The following CACHD1 variants were observed in gnomAD, a reference collection of about 807,000 sequenced individuals.
CACHD1 encodes the protein VWFA and cache domain-containing protein 1.
CACHD1 carries 71 observed loss-of-function variants against 138.7 expected under a neutral mutation model. The ratio of observed to expected loss-of-function variants is 0.51; its 90% CI spans 0.42 to 0.62. CACHD1 has a LOEUF of 0.62. CACHD1 is among the 20% of genes least tolerant of loss of function. The pLI is 0.00. For synonymous variants in CACHD1, 578 were observed against 591.5 expected (o/e 0.98, Z 0.33); for missense variants, 1,389 against 1,625.3 (o/e 0.85, Z 2.50).
At position 64,663,811 on chromosome 1, in the gene CACHD1, C is replaced by T. The variant is rs746531605; in HGVS notation, c.2068C>T (p.Arg690Cys). 4 of 1,614,104 alleles carry T rather than the reference C, an allele frequency of 2.5e-6. No homozygotes were observed. Among genetic ancestry groups the T allele is most frequent in the Admixed American group, 1.7e-5 (1 of 60,026 alleles). Residue 690 changes from arginine to cysteine, a missense_variant, in exon 14 of 27, where the codon CGC becomes TGC. Arg to Cys is a radical substitution (Grantham distance 180). This residue lies in a region of CACHD1 where 1,000 missense variants were observed against 1,114.7 expected (regional missense o/e 0.90). Transcript: ENST00000651257. Reference protein sequence around the residue: ...HYTAYLSDNTRLIANPGLKFS... With the variant: ...HYTAYLSDNTCLIANPGLKFS... ...CACCGCCTATCTCAGCGACAACACC[C>T]GCCTCATTGCTAACCCGGGCCTCAA...
chr1:64,497,550 G>C (rs1256908619), intron 1 of CACHD1, among the ~76,000 whole-genome samples: 1 of 152,080 alleles, frequency 6.6e-6, no homozygotes. Context: ...GCTATTTGGA[G>C]TCATATAGTT....
At chr1:64,547,614 A>G (rs1420094271) in intron 1 of CACHD1, among the ~76,000 whole-genome samples, 3 of 152,088 alleles carry the variant, frequency 2.0e-5, no homozygotes, top group African/African-American at 4.8e-5. Context: ...TGATCTGCCC[A>G]CCTAAGCCTC....
intron 24 of CACHD1, 24 bp downstream of exon 24, chr1:64,679,780 G>T (rs1221677009): frequency 6.2e-7 from 1 of 1,611,002 alleles, no homozygotes; most frequent in South Asian, 1.1e-5. Context: ...GAACCCCACA[G>T]GGGAGGCAGC....
rs1557534756 is a variant in CACHD1, at chr1:64,641,885, A to G, written c.1072A>G (p.Lys358Glu). ...ITSKDSSEED[K>E]KATLQVINEE... ...ATCAAAGGACTCTTCGGAAGAAGAT[A>G]AAAAAGCGACTCTCCAAGTCATCAA... Residue 358 changes from lysine to glutamate, a missense_variant, in exon 8 of 27, where the codon AAA becomes GAA. Physicochemically the swap from Lys to Glu is moderately conservative, Grantham distance 56. This residue lies in a region of CACHD1 where 1,000 missense variants were observed against 1,114.7 expected (regional missense o/e 0.90). Coordinates refer to ENST00000651257, the MANE Select transcript of CACHD1 (RefSeq NM_020925.4). 6.2e-7 allele frequency: 1 copy of G among 1,606,796 alleles called. No individual in the cohort carries two copies. Among genetic ancestry groups the G allele is most frequent in the East Asian group, 2.2e-5 (1 of 44,568 alleles).
At chr1:64,588,914 T>C (rs1647074826) in intron 3 of CACHD1, among the ~76,000 whole-genome samples, 1 of 152,216 alleles carries the variant, frequency 6.6e-6, no homozygotes, top group South Asian at 2.1e-4. Context: ...TATCCTCATT[T>C]AGTTAATGCA....
Position 64,653,759 on chromosome 1 carries a change from A to G in CACHD1, c.1542A>G (p.Gly514=). 1.2e-6 allele frequency: 2 copies of G among 1,611,882 alleles called. No homozygotes were observed. Among genetic ancestry groups the G allele is most frequent in the Admixed American group, 1.7e-5 (1 of 59,792 alleles). Residue 514 remains glycine (G), a splice_region_variant and synonymous_variant, in exon 11 of 27, where the codon GGA becomes GGG. Transcript: ENST00000651257. The stretch of plus-strand genomic sequence containing the variant: ...ATGCATTTTGTTTTCTTATTGCAGG[A>G]TATACACTTATGCACCCATCTCTTA... ...ASYTFLIDDK[G]YTLMHPSLTR...
chr1:64,652,819 G>A (rs1053652346), intron 10 of CACHD1, among the ~76,000 whole-genome samples: 3 of 152,224 alleles, frequency 2.0e-5, no homozygotes, highest in Non-Finnish European at 2.9e-5. Context: ...GTCAGCCATT[G>A]TGGAAAGCAG....
At chr1:64,533,263 C>T (rs1175860165) in intron 1 of CACHD1, among the ~76,000 whole-genome samples, 1 of 152,118 alleles carries the variant, frequency 6.6e-6, no homozygotes, top group Non-Finnish European at 1.5e-5. Context: ...GGCTGAGATA[C>T]AAGAATCACT....
chr1:64,673,046 C>T lies in CACHD1; in HGVS notation c.2511-112C>T, dbSNP rs1474484799. On this transcript the variant is annotated intron_variant, in intron 17 of 26. Coordinates refer to ENST00000651257, the MANE Select transcript of CACHD1 (RefSeq NM_020925.4). ...TTTCCAATGAGTATTTATTGAGAAC[C>T]TGGGATAAATGCAGTTTGTTTCAGG... 1.0e-5 allele frequency: 9 copies of T among 884,786 alleles called. No homozygotes were observed. The Admixed American group carries it at 1.8e-4, about 18-fold the overall frequency. 54.8% of individuals were successfully genotyped at this position (884,786 alleles called of 1,614,324 possible).
intron 1 of CACHD1, among the ~76,000 whole-genome samples, chr1:64,534,637 T>G (rs910636684): frequency 6.6e-6 from 1 of 152,226 alleles, no homozygotes; most frequent in Non-Finnish European, 1.5e-5. Flanking sequence ...TCTTCTCCCT[T>G]GCACTCTGAG....
intron 1 of CACHD1, among the ~76,000 whole-genome samples, chr1:64,512,438 T>G (rs899249794): frequency 4.2e-5 from 6 of 144,564 alleles, no homozygotes; most frequent in African/African-American, 1.6e-4. Flanking sequence ...CCTCTGGAGT[T>G]CAAGGGCAAA....
chr1:64,604,996 T>G (rs1370729531), intron 4 of CACHD1, among the ~76,000 whole-genome samples: 2 of 150,382 alleles, frequency 1.3e-5, no homozygotes, highest in Admixed American at 1.3e-4. Flanking sequence ...AGACAGAGTC[T>G]TGCTCTGTCA....
intron 8 of CACHD1, 109 bp from the exon 9 acceptor site, chr1:64,647,692 T>G: frequency 2.4e-6 from 2 of 836,466 alleles, no homozygotes; most frequent in Non-Finnish European, 3.8e-6. Context: ...AAAAACCCCT[T>G]TGGTATTACA....
chr1:64,548,898 G>T (rs937063326), intron 1 of CACHD1, among the ~76,000 whole-genome samples: 1 of 152,162 alleles, frequency 6.6e-6, no homozygotes, highest in African/African-American at 2.4e-5. Flanking sequence ...GCTCATGACC[G>T]CAGCATCTTT....
intron 1 of CACHD1, among the ~76,000 whole-genome samples, chr1:64,489,581 T>C (rs305557): frequency 0.97 from 148,274 of 152,320 alleles, 72,183 homozygotes; most frequent in East Asian, 1. Flanking sequence ...TCCAAGCTCT[T>C]TTGCTATCCT....
chr1:64,616,344 G>A (rs985249662), intron 4 of CACHD1, among the ~76,000 whole-genome samples: 1 of 152,180 alleles, frequency 6.6e-6, no homozygotes, highest in Non-Finnish European at 1.5e-5. Flanking sequence ...ATAATGAAGT[G>A]TATTGGTGAG....
chr1:64,652,646 G>A (rs761394629), intron 10 of CACHD1, among the ~76,000 whole-genome samples: 4 of 152,094 alleles, frequency 2.6e-5, no homozygotes, highest in East Asian at 3.9e-4. Flanking sequence ...GAAAACAATC[G>A]CAGTATCCCT....
chr1:64,625,230 A>C (rs2100624167), intron 4 of CACHD1, among the ~76,000 whole-genome samples: 1 of 152,322 alleles, frequency 6.6e-6, no homozygotes, highest in Middle Eastern at 3.4e-3. Flanking sequence ...GTCACTTATA[A>C]GTGGGAGCTA....
At chr1:64,498,138 A>G (rs1414733015) in intron 1 of CACHD1, among the ~76,000 whole-genome samples, 2 of 152,184 alleles carry the variant, frequency 1.3e-5, no homozygotes, top group Admixed American at 6.5e-5. Flanking sequence ...AAAACAAAAC[A>G]AAAGAGTGTG....
Sources: allele counts gnomAD v4.1 joint callset (sites outside exome capture counted in the v4.1 genomes callset), GRCh38; gene constraint gnomAD v4.1.1; regional missense constraint gnomAD v4.1.1; transcripts MANE v1.5; gene names NCBI Gene and HGNC (gene_info 2026-07-23, HGNC 2026-07-21).